The following RALYL variants were observed in gnomAD, a reference collection of about 807,000 sequenced individuals.
RALYL encodes the protein RALY RNA binding protein like.
RALYL carries 29 observed loss-of-function variants against 35.1 expected under a neutral mutation model. The observed-to-expected ratio is 0.83, with a 90% CI of 0.61 to 1.13. The LOEUF (loss-of-function observed/expected upper bound fraction) is 1.13, where lower values mean the gene tolerates loss of function less well. RALYL is among the 50% of genes most tolerant of loss of function. The probability of loss-of-function intolerance (pLI) is 0.00; values close to 1 mark genes in which losing one functional copy is unlikely to be tolerated. For synonymous variants in RALYL, 120 were observed against 127.6 expected (o/e 0.94, Z 0.40); for missense variants, 359 against 360.4 (o/e 1.00, Z 0.03).
At chr8:84,397,437 T>A (rs966317938) in intron 1 of RALYL, among the ~76,000 whole-genome samples, 2 of 152,164 alleles carry the variant, frequency 1.3e-5, no homozygotes, top group African/African-American at 4.8e-5. Flanking sequence ...GCCAGGTTTT[T>A]TCCCCAGAAA....
At chr8:84,574,095 G>A (rs1039315149) in intron 2 of RALYL, among the ~76,000 whole-genome samples, 3 of 151,962 alleles carry the variant, frequency 2.0e-5, no homozygotes, top group South Asian at 2.1e-4. Flanking sequence ...TCTTTAAAGA[G>A]TTTAGGCTTT....
intron 8 of RALYL, among the ~76,000 whole-genome samples, chr8:84,892,627 ACC>A (rs1157714861): frequency 2.1e-4 from 32 of 149,210 alleles, no homozygotes; most frequent in African/African-American, 5.8e-4. Flanking sequence ...AAAAAAAAAA[ACC>A]AACATGGCAC....
At chr8:84,560,658 G>C (rs2061417818) in intron 2 of RALYL, among the ~76,000 whole-genome samples, 1 of 151,898 alleles carries the variant, frequency 6.6e-6, no homozygotes, top group South Asian at 2.1e-4. Flanking sequence ...GGATAATACA[G>C]ATTAGGGTAA....
intron 1 of RALYL, among the ~76,000 whole-genome samples, chr8:84,407,048 T>A (rs202003301): frequency 0.028 from 3,950 of 140,008 alleles, 173 homozygotes; most frequent in African/African-American, 0.099. Context: ...ACACACACAC[T>A]CACACACACA....
chr8:84,882,818 T>C (rs916111852), intron 7 of RALYL, among the ~76,000 whole-genome samples: 79 of 116,290 alleles, frequency 6.8e-4, no homozygotes, highest in African/African-American at 3.7e-3. Flanking sequence ...ATAAAGAGAA[T>C]TGTATAAAGA....
At chr8:84,214,749 G>T (rs1820367961) in intron 1 of RALYL, among the ~76,000 whole-genome samples, 1 of 152,004 alleles carries the variant, frequency 6.6e-6, no homozygotes, top group South Asian at 2.1e-4. Context: ...CAGATTTGTT[G>T]GGAGACAGAA....
intron 1 of RALYL, among the ~76,000 whole-genome samples, chr8:84,469,997 C>T (rs1180815482): frequency 6.6e-6 from 1 of 152,190 alleles, no homozygotes; most frequent in African/African-American, 2.4e-5. Context: ...CCTGCTTCGG[C>T]TCGCGCACGG....
chr8:84,559,009 C>T (rs1156521516), intron 2 of RALYL, among the ~76,000 whole-genome samples: 2 of 152,058 alleles, frequency 1.3e-5, no homozygotes, highest in East Asian at 1.9e-4. Context: ...CATGTCATTA[C>T]CATCATGTTT....
chr8:84,681,771 C>G (rs1396682962), intron 2 of RALYL, among the ~76,000 whole-genome samples: 1 of 152,180 alleles, frequency 6.6e-6, no homozygotes, highest in Non-Finnish European at 1.5e-5. Context: ...AATGTACAAT[C>G]ATGTCATCTG....
At chr8:84,374,052 C>T (rs1197527871) in intron 1 of RALYL, among the ~76,000 whole-genome samples, 1 of 151,866 alleles carries the variant, frequency 6.6e-6, no homozygotes, top group Non-Finnish European at 1.5e-5. Context: ...TTTGTACACT[C>T]ATTTTGTATC....
intron 4 of RALYL, among the ~76,000 whole-genome samples, chr8:84,830,675 A>C (rs1300343888): frequency 1.3e-5 from 2 of 152,190 alleles, no homozygotes; most frequent in Non-Finnish European, 2.9e-5. Flanking sequence ...CTAACCAAAC[A>C]AAAAAGAATT....
rs148795884 is a variant in RALYL at position 84,696,794 on chromosome 8, C to T, written c.257-77785C>T. Among the ~76,000 whole-genome samples, 535 of 152,088 alleles carry T rather than the reference C, an allele frequency of 3.5e-3. 2 individuals carry two copies. The highest frequency in any genetic ancestry group is 0.012 in the African/African-American group (481 of 41,540). ...ATTTCATTTACATATTTACTGTTCA[C>T]ATACTGCTGTGCTGGTAATGGCAAA... On this transcript the variant is annotated intron_variant, in intron 2 of 8. Transcript: ENST00000521268.
intron 2 of RALYL, among the ~76,000 whole-genome samples, chr8:84,719,259 A>T (rs1843452460): frequency 6.6e-6 from 1 of 152,222 alleles, no homozygotes; most frequent in African/African-American, 2.4e-5. Context: ...ACGTTGAAGG[A>T]TAAACAGAAC....
intron 1 of RALYL, among the ~76,000 whole-genome samples, chr8:84,524,781 A>T (rs1020979510): frequency 6.6e-6 from 1 of 152,066 alleles, no homozygotes; most frequent in African/African-American, 2.4e-5. Flanking sequence ...CCTCAGCCTG[A>T]TATTTCCGGA....
chr8:84,634,858 G>C (rs545652983), intron 2 of RALYL, among the ~76,000 whole-genome samples: 1 of 151,734 alleles, frequency 6.6e-6, no homozygotes, highest in South Asian at 2.1e-4. Context: ...CCAAATGGTG[G>C]AAAAATGATA....
chr8:84,710,412 C>T (rs1383805491), intron 2 of RALYL, among the ~76,000 whole-genome samples: 1 of 152,082 alleles, frequency 6.6e-6, no homozygotes, highest in East Asian at 1.9e-4. Flanking sequence ...AGCGATTCTC[C>T]TTCCACAGCC....
chr8:84,657,958 T>C (rs191539013), intron 2 of RALYL, among the ~76,000 whole-genome samples: 3 of 152,294 alleles, frequency 2.0e-5, no homozygotes, highest in Admixed American at 2.0e-4. Context: ...ACTGACTGAA[T>C]GGATTCTGTC....
At chr8:84,244,430 A>G (rs1240802893) in intron 1 of RALYL, among the ~76,000 whole-genome samples, 1 of 152,208 alleles carries the variant, frequency 6.6e-6, no homozygotes, top group Non-Finnish European at 1.5e-5. Context: ...ATCTGAATAC[A>G]TCACCAAAGT....
chr8:84,363,400 G>A (rs961777460), intron 1 of RALYL, among the ~76,000 whole-genome samples: 2 of 152,134 alleles, frequency 1.3e-5, no homozygotes, highest in African/African-American at 2.4e-5. Context: ...ACACCAATGA[G>A]GTAAACCTTC....
Sources: gnomAD v4.1 joint callset for allele counts (sites outside exome capture counted in the v4.1 genomes callset) on GRCh38, gnomAD v4.1.1 for gene constraint, MANE v1.5 for transcripts, NCBI Gene and HGNC (gene_info 2026-07-23, HGNC 2026-07-21) for gene names.